SETBP1: variants seen among roughly 807,000 people sequenced by gnomAD.
The protein encoded by SETBP1 is SET-binding protein.
A neutral mutation model predicts 101.0 loss-of-function variants in SETBP1; 9 were observed. That is an observed-to-expected ratio of 0.09 (90% confidence interval 0.05 to 0.16). The LOEUF is 0.16. SETBP1 is among the 10% of genes least tolerant of loss of function. SETBP1 has a pLI of 1.00. For missense variants in SETBP1, 1,858 were observed against 2,033.8 expected (o/e 0.91, Z 1.66); for synonymous variants, 818 against 788.5 (o/e 1.04, Z -0.63).
rs1038504663 is a variant in SETBP1 at position 44,841,461 on chromosome 18, C to A, written c.487-27769C>A. Among the ~76,000 whole-genome samples the A allele has an allele frequency of 2.0e-5, 3 of 152,130 alleles. No homozygotes were observed. In the East Asian group the frequency reaches 5.8e-4, roughly 29 times the overall value. On this transcript the variant is annotated intron_variant, in intron 2 of 5. Coordinates refer to ENST00000649279, the MANE Select transcript of SETBP1 (RefSeq NM_015559.3). ...ACTAGACATGAGTCACTAAAGCCAG[C>A]CACACTCAAGGGGAAAGGGATTAGG... is the stretch of plus-strand genomic sequence containing the variant.
chr18:44,901,579 G>A (rs1251864492), intron 3 of SETBP1, among the ~76,000 whole-genome samples: 1 of 152,174 alleles, frequency 6.6e-6, no homozygotes, highest in Admixed American at 6.5e-5. Flanking sequence ...TGGGGAATGG[G>A]TGGCACAACC....
intron 4 of SETBP1, among the ~76,000 whole-genome samples, chr18:45,038,083 G>C (rs2073433857): frequency 6.6e-6 from 1 of 152,094 alleles, no homozygotes. Context: ...TCTTTCCCCA[G>C]CTGGATGAGA....
At chr18:44,947,593 AC>A (rs2071238599) in intron 3 of SETBP1, among the ~76,000 whole-genome samples, 2 of 144,908 alleles carry the variant, frequency 1.4e-5, no homozygotes, top group Non-Finnish European at 3.0e-5. Context: ...CACAACCTCT[AC>A]TTCCCGGGTT....
chr18:44,842,878 G>C (rs1276753323), intron 2 of SETBP1, among the ~76,000 whole-genome samples: 1 of 152,208 alleles, frequency 6.6e-6, no homozygotes, highest in Non-Finnish European at 1.5e-5. Flanking sequence ...ATTTCCATTG[G>C]CTGTTTAGTC....
intron 4 of SETBP1, among the ~76,000 whole-genome samples, chr18:44,964,525 A>G (rs1396646048): frequency 1.3e-5 from 2 of 152,206 alleles, no homozygotes; most frequent in Non-Finnish European, 2.9e-5. Flanking sequence ...TGGCAAGGAC[A>G]ATAAAAATGG....
rs184966057 is a variant in SETBP1, at chr18:44,761,556, T to G, written c.486+59724T>G. Among the ~76,000 whole-genome samples the G allele has an allele frequency of 9.8e-4, 149 of 152,354 alleles. 1 individual carries two copies. Among genetic ancestry groups the G allele is most frequent in the African/African-American group, 3.3e-3 (138 of 41,588 alleles). ...AGTCCATGTTGATCCTAACATTCTTTACAGCACCCTACTAATCCTGAAGAA... is the reference window on the plus strand; with the variant it reads ...AGTCCATGTTGATCCTAACATTCTTGACAGCACCCTACTAATCCTGAAGAA... On this transcript the variant is annotated intron_variant, in intron 2 of 5. Coordinates refer to ENST00000649279, the MANE Select transcript of SETBP1 (RefSeq NM_015559.3).
At chr18:44,869,357 T>C in intron 3 of SETBP1, 74 bp downstream of exon 3, 2 of 1,378,326 alleles carry the variant, frequency 1.5e-6, no homozygotes, top group South Asian at 1.2e-5. Context: ...ACAAGCACCT[T>C]TGGGGCCAGG....
intron 2 of SETBP1, among the ~76,000 whole-genome samples, chr18:44,825,760 T>C (rs1418402585): frequency 6.6e-6 from 1 of 152,224 alleles, no homozygotes; most frequent in African/African-American, 2.4e-5. Flanking sequence ...ATAATAATAA[T>C]GTCCTTGTCT....
At chr18:44,977,937 A>G (rs2072026765) in intron 4 of SETBP1, among the ~76,000 whole-genome samples, 1 of 152,164 alleles carries the variant, frequency 6.6e-6, no homozygotes, top group Non-Finnish European at 1.5e-5. Context: ...GTTTTCATCT[A>G]TCAGAAAGTT....
At chr18:44,864,344 G>T (rs1170065304) in intron 2 of SETBP1, among the ~76,000 whole-genome samples, 5 of 152,084 alleles carry the variant, frequency 3.3e-5, no homozygotes, top group South Asian at 4.1e-4. Flanking sequence ...CGCTGCTTAG[G>T]AAGCTGAAGG....
intron 3 of SETBP1, among the ~76,000 whole-genome samples, chr18:44,896,018 C>T (rs929072646): frequency 6.6e-6 from 1 of 152,154 alleles, no homozygotes; most frequent in Non-Finnish European, 1.5e-5. Flanking sequence ...ATCACTCCCT[C>T]AGTGAAAATG....
At chr18:44,769,617 C>T (rs66742209) in intron 2 of SETBP1, among the ~76,000 whole-genome samples, 25,724 of 152,208 alleles carry the variant, frequency 0.17, 2,420 homozygotes, top group Non-Finnish European at 0.21. Flanking sequence ...ATTTCTGTAT[C>T]TACTTGTTGA....
chr18:44,943,355 A>C (rs898973543), intron 3 of SETBP1, among the ~76,000 whole-genome samples: 3 of 152,210 alleles, frequency 2.0e-5, no homozygotes, highest in African/African-American at 7.2e-5. Context: ...CACTGGCTAC[A>C]GTTCAGAAAT....
chr18:45,036,057 G>C (rs1663451912), intron 4 of SETBP1, among the ~76,000 whole-genome samples: 1 of 152,202 alleles, frequency 6.6e-6, no homozygotes, highest in Admixed American at 6.5e-5. Flanking sequence ...GAAGTGGCCA[G>C]GTGCCGTGGC....
intron 2 of SETBP1, among the ~76,000 whole-genome samples, chr18:44,812,886 A>G (rs1457600263): frequency 6.6e-6 from 1 of 152,152 alleles, no homozygotes; most frequent in Non-Finnish European, 1.5e-5. Context: ...TTTCAAGATT[A>G]TTTTCCTTGA....
chr18:44,858,284 C>T (rs2073015139), intron 2 of SETBP1, among the ~76,000 whole-genome samples: 1 of 152,224 alleles, frequency 6.6e-6, no homozygotes, highest in South Asian at 2.1e-4. Flanking sequence ...TCAAAGAGCT[C>T]CCAATGCTAA....
rs1048030934 is a variant in SETBP1 at position 45,067,131 on chromosome 18, T to G, written c.*3433T>G. The G allele has an allele frequency of 1.3e-5, 2 of 152,090 alleles. No homozygotes were observed. Among genetic ancestry groups the G allele is most frequent in the Non-Finnish European group, 2.9e-5 (2 of 68,002 alleles). 9.4% of individuals were successfully genotyped at this position (152,090 alleles called of 1,614,324 possible). A position where few individuals can be genotyped will look rare whatever the true frequency, so the allele number is the denominator to read the frequency against. On this transcript the variant is annotated 3_prime_UTR_variant, in exon 6 of 6. Coordinates refer to ENST00000649279, the MANE Select transcript of SETBP1 (RefSeq NM_015559.3). ...AAGGTGACTAAGGGCTGGCAGAAGA[T>G]TAGAATGTTAATTTGGCTGCTGTCC...
intron 3 of SETBP1, among the ~76,000 whole-genome samples, chr18:44,898,091 G>A (rs1383163147): frequency 6.6e-6 from 1 of 152,160 alleles, no homozygotes; most frequent in African/African-American, 2.4e-5. Context: ...CTCTTTGCTT[G>A]TAACTCAGCA....
At chr18:44,801,268 AT>A (rs1365043966) in intron 2 of SETBP1, among the ~76,000 whole-genome samples, 1 of 152,042 alleles carries the variant, frequency 6.6e-6, no homozygotes, top group Non-Finnish European at 1.5e-5. Flanking sequence ...TACCCTAGAA[AT>A]TAAAGTATTT....
Sources: allele counts gnomAD v4.1 joint callset (sites outside exome capture counted in the v4.1 genomes callset), GRCh38; gene constraint gnomAD v4.1.1; transcripts MANE v1.5; gene names NCBI Gene and HGNC (gene_info 2026-07-23, HGNC 2026-07-21).